SYTL5: variants seen among roughly 807,000 people sequenced by gnomAD.
SYTL5 encodes synaptotagmin like 5, also known as synaptotagmin-like protein 5.
In SYTL5, 34 loss-of-function variants were observed where a neutral mutation model predicts 55.9. The ratio of observed to expected loss-of-function variants is 0.61; its 90% CI spans 0.46 to 0.81. The LOEUF (loss-of-function observed/expected upper bound fraction) is 0.81, where lower values mean the gene tolerates loss of function less well. SYTL5 is among the 30% of genes least tolerant of loss of function. The pLI is 0.00. For missense variants in SYTL5, 637 were observed against 546.7 expected (o/e 1.17, Z -1.65); for synonymous variants, 221 against 188.7 (o/e 1.17, Z -1.40).
At chrX:37,902,840 T>C in the SYTL5 span, among the ~76,000 whole-genome samples, 2 of 111,791 alleles carry the variant, frequency 1.8e-5, no homozygotes, top group Non-Finnish European at 3.8e-5. Context: ...GAGAACTCTT[T>C]TAACTCTGGA....
At chrX:38,030,477 G>A (rs1246517872) in intron 1 of SYTL5, among the ~76,000 whole-genome samples, 1 of 111,783 alleles carries the variant, frequency 8.9e-6, no homozygotes, top group Non-Finnish European at 1.9e-5. Flanking sequence ...TTTAACCATA[G>A]CGCTCTTTTT....
the SYTL5 span, among the ~76,000 whole-genome samples, chrX:37,999,187 C>T: frequency 8.9e-6 from 1 of 112,302 alleles, no homozygotes; most frequent in Non-Finnish European, 1.9e-5. Context: ...ATTCCTGTAC[C>T]TGTTGCAGCC....
chrX:38,085,788 A>T (rs1187010040), intron 6 of SYTL5, among the ~76,000 whole-genome samples: 3 of 110,518 alleles, frequency 2.7e-5, no homozygotes, highest in Non-Finnish European at 5.7e-5. Flanking sequence ...CCTGGCTACA[A>T]CTCCTAGGAG....
At chrX:37,946,675 T>C in the SYTL5 span, 4,762 of 121,086 alleles carry the variant, frequency 0.039, 241 homozygotes, top group African/African-American at 0.15. Context: ...CATCAGAAAG[T>C]ATGCTTCTAC....
the SYTL5 span, among the ~76,000 whole-genome samples, chrX:37,989,532 G>T: frequency 8.9e-6 from 1 of 111,851 alleles, no homozygotes; most frequent in African/African-American, 3.3e-5. Context: ...GAAGTCATAG[G>T]ATCAGAGTCA....
intron 15 of SYTL5, among the ~76,000 whole-genome samples, chrX:38,124,745 T>C (rs1168948177): frequency 8.9e-6 from 1 of 112,144 alleles, no homozygotes; most frequent in Non-Finnish European, 1.9e-5. Context: ...CTCTGTGGAA[T>C]ATACCTTAGG....
chrX:37,976,129 A>C, the SYTL5 span, among the ~76,000 whole-genome samples: 5 of 112,591 alleles, frequency 4.4e-5, no homozygotes, highest in African/African-American at 1.6e-4. Context: ...GATCCAAGAT[A>C]CAATTTTTCT....
At chrX:38,036,545 T>C (rs1266490673) in intron 2 of SYTL5, among the ~76,000 whole-genome samples, 1 of 111,677 alleles carries the variant, frequency 9.0e-6, no homozygotes, top group Non-Finnish European at 1.9e-5. Context: ...AAAAGAGATT[T>C]TCTAAAGCTA....
chrX:38,031,833 C>T (rs775847740), intron 1 of SYTL5, among the ~76,000 whole-genome samples: 1 of 112,240 alleles, frequency 8.9e-6, no homozygotes, highest in South Asian at 3.7e-4. Flanking sequence ...CTGTTCTTTT[C>T]AAACTTGGAG....
intron 2 of SYTL5, among the ~76,000 whole-genome samples, chrX:38,037,745 C>T (rs1312466084): frequency 3.6e-5 from 4 of 110,710 alleles, no homozygotes; most frequent in Admixed American, 9.7e-5. Context: ...TTAACTTTAG[C>T]GCAGTGGGTC....
chrX:38,020,213 T>G (rs886332445), intron 1 of SYTL5, among the ~76,000 whole-genome samples: 2 of 109,710 alleles, frequency 1.8e-5, no homozygotes, highest in African/African-American at 3.3e-5. Flanking sequence ...AATATGGCTA[T>G]AAGATATTTT....
At chrX:37,902,429 T>C in the SYTL5 span, among the ~76,000 whole-genome samples, 1 of 112,344 alleles carries the variant, frequency 8.9e-6, no homozygotes, top group Non-Finnish European at 1.9e-5. Flanking sequence ...ACCTGATATA[T>C]TATTTTAAAA....
At chrX:38,000,185 C>T in the SYTL5 span, among the ~76,000 whole-genome samples, 27 of 111,797 alleles carry the variant, frequency 2.4e-4, 1 homozygote, top group African/African-American at 6.2e-4. Flanking sequence ...CCTTAGACTT[C>T]GAAAACCTAG....
At chrX:37,939,977 G>A in the SYTL5 span, among the ~76,000 whole-genome samples, 10 of 110,561 alleles carry the variant, frequency 9.0e-5, no homozygotes, top group South Asian at 3.8e-4. Context: ...GACTACAGGC[G>A]TGCGCCACCA....
chrX:38,116,845 T>C (rs748570336), intron 13 of SYTL5, among the ~76,000 whole-genome samples: 1 of 112,651 alleles, frequency 8.9e-6, no homozygotes, highest in African/African-American at 3.2e-5. Context: ...AGATGCATGT[T>C]CTTTGCAGAA....
the SYTL5 span, among the ~76,000 whole-genome samples, chrX:37,923,176 A>G: frequency 8.9e-6 from 1 of 112,676 alleles, no homozygotes; most frequent in Non-Finnish European, 1.9e-5. Context: ...CCCCTGCTGT[A>G]AGAGTCATTC....
At chrX:38,098,519 GGGTGTGATTAAA>G (rs995962425) in intron 9 of SYTL5, among the ~76,000 whole-genome samples, 1 of 110,773 alleles carries the variant, frequency 9.0e-6, no homozygotes, top group Non-Finnish European at 1.9e-5. Context: ...CCCCTTGAAT[GGGTGTGATTAAA>G]AAGACATAAT....
Position 38,107,132 on chromosome X carries a change from A to C in SYTL5, c.1334+361A>C, listed in dbSNP as rs186821114. On this transcript the variant is annotated intron_variant, in intron 11 of 16. Coordinates refer to ENST00000297875, the MANE Select transcript of SYTL5 (RefSeq NM_138780.3). Reference sequence around the variant, plus strand: ...AAATTACCAAACTGTTACCCAATTAAACAACTCAAAAGGGCAATTATGAGG... The same window carrying C: ...AAATTACCAAACTGTTACCCAATTACACAACTCAAAAGGGCAATTATGAGG... Among the ~76,000 whole-genome samples the C allele has an allele frequency of 1.7e-4, 19 of 111,976 alleles. No individual in the cohort carries two copies. In the East Asian group the frequency reaches 5.3e-3, roughly 32 times the overall value.
At chrX:37,903,471 G>A in the SYTL5 span, among the ~76,000 whole-genome samples, 1 of 104,330 alleles carries the variant, frequency 9.6e-6, no homozygotes, top group Non-Finnish European at 2.0e-5. Context: ...AACACTGCAT[G>A]TTCTCACTCA....
Sources: allele counts gnomAD v4.1 joint callset (sites outside exome capture counted in the v4.1 genomes callset), GRCh38; gene constraint gnomAD v4.1.1; transcripts MANE v1.5; gene names NCBI Gene and HGNC (gene_info 2026-07-23, HGNC 2026-07-21).